Variants in GNG4 observed in about 807,000 individuals in gnomAD.
GNG4 encodes G protein subunit gamma 4, also known as guanine nucleotide-binding protein G(I)/G(S)/G(O) subunit gamma-4.
In GNG4, 4 loss-of-function variants were observed where a neutral mutation model predicts 5.8. The ratio of observed to expected loss-of-function variants is 0.69; its 90% CI spans 0.34 to 1.57. The LOEUF is 1.57. Among genes scored for constraint, GNG4 ranks in the 40% most tolerant of loss-of-function variants. The probability of loss-of-function intolerance (pLI) is 0.06; values close to 1 mark genes in which losing one functional copy is unlikely to be tolerated. For missense variants in GNG4, 96 were observed against 95.1 expected (o/e 1.01, Z -0.04); for synonymous variants, 29 against 32.9 (o/e 0.88, Z 0.41).
intron 1 of GNG4, among the ~76,000 whole-genome samples, chr1:235,622,447 C>T (rs1571918261): frequency 6.6e-6 from 1 of 152,194 alleles, no homozygotes; most frequent in Non-Finnish European, 1.5e-5. Flanking sequence ...GGCGCGGTAG[C>T]TCACACCTGT....
intron 3 of GNG4, among the ~76,000 whole-genome samples, chr1:235,576,807 T>C (rs1687494523): frequency 6.6e-6 from 1 of 152,156 alleles, no homozygotes; most frequent in Non-Finnish European, 1.5e-5. Flanking sequence ...TGTGTGGGTT[T>C]AAGATCTTGC....
At chr1:235,565,589 GAAC>G (rs1238151767) in intron 3 of GNG4, among the ~76,000 whole-genome samples, 1 of 152,320 alleles carries the variant, frequency 6.6e-6, no homozygotes, top group East Asian at 1.9e-4. Context: ...TGGGAATAAA[GAAC>G]AACCACAATG....
intron 3 of GNG4, among the ~76,000 whole-genome samples, chr1:235,572,716 T>C (rs921605942): frequency 4.0e-5 from 6 of 151,590 alleles, no homozygotes; most frequent in African/African-American, 1.2e-4. Context: ...CCCAGGCTGG[T>C]CTTGAACTCC....
chr1:235,562,782 A>G (rs1057197891), intron 3 of GNG4, among the ~76,000 whole-genome samples: 1 of 151,636 alleles, frequency 6.6e-6, no homozygotes, highest in Non-Finnish European at 1.5e-5. Context: ...CTTCTTATCC[A>G]TGAACATGGA....
chr1:235,568,168 T>TTTTTA (rs35709787), intron 3 of GNG4, among the ~76,000 whole-genome samples: 3 of 150,612 alleles, frequency 2.0e-5, no homozygotes, highest in African/African-American at 7.3e-5. Context: ...TTTTTTTTTT[T>TTTTTA]AAACCTATGA....
At chr1:235,614,539 G>A (rs898558234) in intron 1 of GNG4, 1 of 152,138 alleles carries the variant, frequency 6.6e-6, no homozygotes, top group African/African-American at 2.4e-5. Flanking sequence ...CCTGACACAG[G>A]GATCAGGGTT....
chr1:235,635,217 T>C (rs553572651), intron 1 of GNG4, among the ~76,000 whole-genome samples: 63 of 152,186 alleles, frequency 4.1e-4, no homozygotes, highest in African/African-American at 1.5e-3. Context: ...GTTTGGATAT[T>C]TGGATATCCA....
intron 3 of GNG4, among the ~76,000 whole-genome samples, chr1:235,574,560 C>T (rs192110202): frequency 1.3e-5 from 2 of 151,834 alleles, no homozygotes; most frequent in East Asian, 1.9e-4. Flanking sequence ...TGTGTTCGAG[C>T]CACTCTCATT....
intron 3 of GNG4, chr1:235,565,708 T>A (rs1474473453): frequency 6.6e-6 from 1 of 152,304 alleles, no homozygotes; most frequent in South Asian, 2.1e-4. Flanking sequence ...TCTATTAAAT[T>A]TTTTTTCAAT....
rs533396315 is a variant in GNG4, at chr1:235,556,515, G to A, written c.100-4278C>T. ...AGAGGTTGCAGTGAGCTGAGGTCGCGCCACTGCACTCCAGCCTGGCGACAG... is the reference window on the plus strand; with the variant it reads ...AGAGGTTGCAGTGAGCTGAGGTCGCACCACTGCACTCCAGCCTGGCGACAG... On this transcript the variant is annotated intron_variant, in intron 3 of 3. Transcript: ENST00000391854. Among the ~76,000 whole-genome samples the A allele has an allele frequency of 3.1e-4, 44 of 142,764 alleles. No homozygotes were observed. The South Asian group carries it at 7.1e-3, about 23-fold the overall frequency. 93.7% of individuals were successfully genotyped at this position (142,764 alleles called of 152,430 possible).
chr1:235,553,097 G>A (rs990317201), intron 3 of GNG4, among the ~76,000 whole-genome samples: 35 of 152,216 alleles, frequency 2.3e-4, no homozygotes, highest in Admixed American at 7.2e-4. Context: ...ACTTCCCTGC[G>A]GAGAGAGGTG....
chr1:235,554,593 C>T (rs1686843779), intron 3 of GNG4, among the ~76,000 whole-genome samples: 1 of 152,174 alleles, frequency 6.6e-6, no homozygotes, highest in Non-Finnish European at 1.5e-5. Flanking sequence ...CCTGTAATCC[C>T]AGCACTTTGG....
intron 2 of GNG4, among the ~76,000 whole-genome samples, chr1:235,589,472 G>A (rs187706268): frequency 6.6e-6 from 1 of 152,306 alleles, no homozygotes; most frequent in East Asian, 1.9e-4. Flanking sequence ...GTCAGCTGCT[G>A]AGAGACCTGT....
At chr1:235,603,199 C>T (rs981096145) in intron 1 of GNG4, among the ~76,000 whole-genome samples, 6 of 151,712 alleles carry the variant, frequency 4.0e-5, no homozygotes, top group South Asian at 2.1e-4. Flanking sequence ...GCAGAGATCG[C>T]GCCACTTGCA....
chr1:235,549,216 A>C lies in GNG4; in HGVS notation c.*2893T>G, dbSNP rs1485497161. ...TCAAAAACAAAAACAAAAACAAAAA[A>C]AGAAGAGGCAGCTGGATTCAGGATC... On this transcript the variant is annotated 3_prime_UTR_variant, in exon 4 of 4. Coordinates refer to ENST00000391854, the MANE Select transcript of GNG4 (RefSeq NM_001098722.2). 6.6e-6 allele frequency: 1 copy of C among 152,592 alleles called. No individual in the cohort carries two copies. The highest frequency in any genetic ancestry group is 2.1e-4 in the South Asian group (1 of 4,846). 9.5% of individuals were successfully genotyped at this position (152,592 alleles called of 1,614,324 possible).
Position 235,573,240 on chromosome 1 carries a change from C to T in GNG4, c.99+10500G>A, listed in dbSNP as rs567609854. ...ACTATCGCAAGGACAGAAAACCAAA[C>T]GCCGCATGTTCTCACTCATAGGTGG... is the stretch of plus-strand genomic sequence containing the variant. On this transcript the variant is annotated intron_variant, in intron 3 of 3. Coordinates refer to ENST00000391854, the MANE Select transcript of GNG4 (RefSeq NM_001098722.2). 8.0e-5 allele frequency among the ~76,000 whole-genome samples: 12 copies of T among 150,552 alleles called. No individual in the cohort carries two copies. In the South Asian group the frequency reaches 1.0e-3, roughly 13 times the overall value.
chr1:235,607,732 C>T (rs1293964783), intron 1 of GNG4, among the ~76,000 whole-genome samples: 1 of 152,136 alleles, frequency 6.6e-6, no homozygotes, highest in African/African-American at 2.4e-5. Flanking sequence ...GGTTAGGGTG[C>T]AGCCTCCTAC....
Position 235,583,688 on chromosome 1 carries a change from T to C in GNG4, c.99+52A>G, listed in dbSNP as rs111291309. 2.5e-3 allele frequency: 2,844 copies of C among 1,151,726 alleles called. 8 individuals carry two copies. Among genetic ancestry groups the C allele is most frequent in the Non-Finnish European group, 2.7e-3 (2,098 of 767,960 alleles). 71.3% of individuals were successfully genotyped at this position (1,151,726 alleles called of 1,614,324 possible). A position where few individuals can be genotyped will look rare whatever the true frequency, so the allele number is the denominator to read the frequency against. ...AAGTCTGCTTTGGAAGCAGGAGGAA[T>C]GTTTTGAGCTGAGCTTCGGGCGGAG... On this transcript the variant is annotated intron_variant, in intron 3 of 3. Transcript: ENST00000391854.
At chr1:235,626,949 A>G (rs1461587340) in intron 1 of GNG4, among the ~76,000 whole-genome samples, 1 of 111,420 alleles carries the variant, frequency 9.0e-6, no homozygotes, top group Non-Finnish European at 1.8e-5. Flanking sequence ...ACAGAGTGAG[A>G]CTCTATCTCA....
Sources: allele counts gnomAD v4.1 joint callset (sites outside exome capture counted in the v4.1 genomes callset), GRCh38; gene constraint gnomAD v4.1.1; transcripts MANE v1.5; gene names NCBI Gene and HGNC (gene_info 2026-07-23, HGNC 2026-07-21).